Variants in IGSF21 observed in about 807,000 individuals in gnomAD.
IGSF21 encodes the protein immunoglobin superfamily member 21, also known as immunoglobulin superfamily member 21.
Under a neutral mutation model 46.8 loss-of-function variants are expected in IGSF21, and 28 were observed. The ratio of observed to expected loss-of-function variants is 0.60; its 90% confidence interval spans 0.44 to 0.82. The LOEUF is 0.82. Among genes scored for constraint, IGSF21 ranks in the 40% least tolerant of loss-of-function variants. The pLI is 0.00. For synonymous variants in IGSF21, 284 were observed against 273.6 expected (o/e 1.04, Z -0.38); for missense variants, 624 against 665.5 (o/e 0.94, Z 0.69).
intron 1 of IGSF21, among the ~76,000 whole-genome samples, chr1:18,163,322 G>A (rs564032064): frequency 6.6e-6 from 1 of 152,300 alleles, no homozygotes; most frequent in East Asian, 1.9e-4. Flanking sequence ...TGTCGCAGGA[G>A]GAGGTATGGC....
In IGSF21 at chr1:18,241,875, T is replaced by C. The variant is rs184909505; in HGVS notation, c.183+13865T>C. The stretch of plus-strand genomic sequence containing the variant: ...TAACTAACTGACCCCAAGTCTTGCA[T>C]ATGGTAAGGCGGAAGGGGTTTGTCT... On this transcript the variant is annotated intron_variant, in intron 2 of 9. Coordinates refer to ENST00000251296, the MANE Select transcript of IGSF21 (RefSeq NM_032880.5). 2.0e-5 allele frequency among the ~76,000 whole-genome samples: 3 copies of C among 152,300 alleles called. No homozygotes were observed. The East Asian group carries it at 5.8e-4, about 29-fold the overall frequency.
intron 1 of IGSF21, among the ~76,000 whole-genome samples, chr1:18,119,106 C>T (rs2086211676): frequency 6.6e-6 from 1 of 152,000 alleles, no homozygotes; most frequent in Non-Finnish European, 1.5e-5. Context: ...AAGAACTTAC[C>T]TATTCCCTTC....
At chr1:18,288,107 A>C (rs2085233170) in intron 2 of IGSF21, among the ~76,000 whole-genome samples, 1 of 152,216 alleles carries the variant, frequency 6.6e-6, no homozygotes. Context: ...CAGATGAGGA[A>C]ACTGAGACTA....
chr1:18,209,792 A>T (rs983482174), intron 1 of IGSF21, among the ~76,000 whole-genome samples: 2 of 152,016 alleles, frequency 1.3e-5, no homozygotes, highest in Non-Finnish European at 2.9e-5. Flanking sequence ...GGTACTGGAC[A>T]GTTGGTGGAG....
At chr1:18,340,746 C>G (rs2085824235) in intron 4 of IGSF21, among the ~76,000 whole-genome samples, 1 of 152,140 alleles carries the variant, frequency 6.6e-6, no homozygotes, top group Admixed American at 6.5e-5. Flanking sequence ...CCTCTGCTTG[C>G]CTCTGGTGTT....
chr1:18,250,586 G>A (rs1016896075), intron 2 of IGSF21, among the ~76,000 whole-genome samples: 11 of 152,114 alleles, frequency 7.2e-5, no homozygotes, highest in African/African-American at 1.2e-4. Context: ...ATTATATGGC[G>A]AAAATTATAA....
rs150833350 is a variant in IGSF21 at position 18,211,956 on chromosome 1, C to T, written c.71-15942C>T. Among the ~76,000 whole-genome samples the T allele has an allele frequency of 5.2e-3, 794 of 152,346 alleles. 8 individuals are homozygous for T. The highest frequency in any genetic ancestry group is 0.017 in the African/African-American group (712 of 41,582). On this transcript the variant is annotated intron_variant, in intron 1 of 9. Transcript: ENST00000251296. ...GCCACTGGTGACTGCCCAGCCTCCA[C>T]GCTCCTGAGGCCCATGTGGAGCAGC...
rs139759392 is a variant in IGSF21 at position 18,144,844 on chromosome 1, TCTC to T, written c.70+36648_70+36650del. Among the ~76,000 whole-genome samples, 962 of 152,192 alleles carry T rather than the reference TCTC, an allele frequency of 6.3e-3. 14 individuals carry two copies. Among genetic ancestry groups the T allele is most frequent in the African/African-American group, 0.022 (920 of 41,516 alleles). On this transcript the variant is annotated intron_variant, in intron 1 of 9. Transcript: ENST00000251296. Reference sequence around the variant, plus strand: ...GTGACCTTGAGTAAGATGTTTAACTTCTCCGTGCCTCTATTTCCCCATTTGCCA... The same window carrying T: ...GTGACCTTGAGTAAGATGTTTAACTTCGTGCCTCTATTTCCCCATTTGCCA...
At chr1:18,198,409 G>A (rs1399887826) in intron 1 of IGSF21, among the ~76,000 whole-genome samples, 1 of 152,202 alleles carries the variant, frequency 6.6e-6, no homozygotes, top group Non-Finnish European at 1.5e-5. Context: ...GCAGAGAGGG[G>A]AGCAGCTGTC....
intron 1 of IGSF21, among the ~76,000 whole-genome samples, chr1:18,218,577 AT>A (rs2084476715): frequency 6.6e-6 from 1 of 152,250 alleles, no homozygotes; most frequent in Admixed American, 6.5e-5. Context: ...TAGCAGATGG[AT>A]TGGGGAAAAC....
chr1:18,333,895 G>GA (rs1293711394), intron 3 of IGSF21, among the ~76,000 whole-genome samples: 1 of 152,006 alleles, frequency 6.6e-6, no homozygotes, highest in African/African-American at 2.4e-5. Context: ...AATGGTTGGA[G>GA]AAAAAAACAG....
At chr1:18,293,642 G>A (rs747806147) in intron 3 of IGSF21, among the ~76,000 whole-genome samples, 10 of 152,108 alleles carry the variant, frequency 6.6e-5, no homozygotes, top group Non-Finnish European at 1.2e-4. Context: ...CAATCAAGAT[G>A]AAAAAGGAGA....
chr1:18,377,470 G>C (rs745592269), intron 9 of IGSF21, 39 bp downstream of exon 9: 3 of 1,570,144 alleles, frequency 1.9e-6, no homozygotes, highest in African/African-American at 1.4e-5. Context: ...TTAAAAGGGA[G>C]TGGCTTTTGA....
At chr1:18,349,444 G>A (rs2085927758) in intron 4 of IGSF21, among the ~76,000 whole-genome samples, 2 of 152,194 alleles carry the variant, frequency 1.3e-5, no homozygotes. Flanking sequence ...AGGCTTCATG[G>A]AGGAGGTGGC....
chr1:18,283,123 G>A (rs1557623875), intron 2 of IGSF21, among the ~76,000 whole-genome samples: 1 of 152,168 alleles, frequency 6.6e-6, no homozygotes, highest in East Asian at 1.9e-4. Flanking sequence ...AGCTGCAGCC[G>A]CTCTCCTCCC....
At chr1:18,375,786 T>G (rs889235566) in intron 6 of IGSF21, among the ~76,000 whole-genome samples, 2 of 152,144 alleles carry the variant, frequency 1.3e-5, no homozygotes, top group East Asian at 1.9e-4. Context: ...TTCATGACCC[T>G]CTGAGGCCCA....
intron 2 of IGSF21, among the ~76,000 whole-genome samples, chr1:18,282,135 G>T (rs972257436): frequency 6.6e-6 from 1 of 152,162 alleles, no homozygotes; most frequent in Non-Finnish European, 1.5e-5. Flanking sequence ...CCCTGGGAAA[G>T]CTGCAAAGAG....
intron 1 of IGSF21, among the ~76,000 whole-genome samples, chr1:18,150,286 C>T (rs1414030756): frequency 6.6e-6 from 1 of 152,130 alleles, no homozygotes; most frequent in Admixed American, 6.5e-5. Flanking sequence ...GGGTGGAATC[C>T]TCTGCTGCCA....
At chr1:18,300,766 A>G (rs1247369817) in intron 3 of IGSF21, among the ~76,000 whole-genome samples, 3 of 152,102 alleles carry the variant, frequency 2.0e-5, no homozygotes, top group Admixed American at 2.0e-4. Flanking sequence ...CATGCTTTCC[A>G]GCTAGAAGTT....
Sources: allele counts gnomAD v4.1 joint callset (sites outside exome capture counted in the v4.1 genomes callset), GRCh38; gene constraint gnomAD v4.1.1; transcripts MANE v1.5; gene names NCBI Gene and HGNC (gene_info 2026-07-23, HGNC 2026-07-21).